The following EYS variants were observed in gnomAD, a reference collection of about 807,000 sequenced individuals.
EYS encodes the protein protein eyes shut homolog.
In EYS, 250 loss-of-function variants were observed where a neutral mutation model predicts 282.1. That is an observed-to-expected ratio of 0.89 (90% CI 0.80 to 0.98). The LOEUF (loss-of-function observed/expected upper bound fraction) is 0.98, where lower values mean the gene tolerates loss of function less well. EYS is among the 50% of genes least tolerant of loss of function. The pLI, the probability that EYS is intolerant of heterozygous loss-of-function variation, is 0.00. For missense variants in EYS, 4,016 were observed against 3,709.0 expected, an observed-to-expected ratio of 1.08 and a Z score of -2.15; for synonymous variants, 1,355 against 1,282.9, an observed-to-expected ratio of 1.06 and a Z score of -1.20.
intron 22 of EYS, among the ~76,000 whole-genome samples, chr6:64,739,984 T>C (rs1772317080): frequency 6.6e-6 from 1 of 152,072 alleles, no homozygotes; most frequent in South Asian, 2.1e-4. Flanking sequence ...TATAAGAAAC[T>C]CTTAGAACTC....
chr6:65,138,211 A>G (rs1362701147), intron 12 of EYS, among the ~76,000 whole-genome samples: 1 of 152,118 alleles, frequency 6.6e-6, no homozygotes. Flanking sequence ...AATAGTTAAT[A>G]TCATTAGTAA....
At chr6:65,548,638 C>G (rs1768480862) in intron 2 of EYS, among the ~76,000 whole-genome samples, 1 of 152,176 alleles carries the variant, frequency 6.6e-6, no homozygotes, top group Non-Finnish European at 1.5e-5. Context: ...CACCTCTTCT[C>G]TATGATTGTA....
At chr6:65,336,142 C>G (rs1468501709) in intron 10 of EYS, among the ~76,000 whole-genome samples, 1 of 151,768 alleles carries the variant, frequency 6.6e-6, no homozygotes, top group African/African-American at 2.4e-5. Flanking sequence ...AATTAAACCT[C>G]TTTTCTTTAT....
intron 19 of EYS, among the ~76,000 whole-genome samples, chr6:64,832,999 C>G (rs1765270462): frequency 6.6e-6 from 1 of 151,850 alleles, no homozygotes; most frequent in Admixed American, 6.6e-5. Flanking sequence ...GAGCTCCAAC[C>G]ATTAGACCCT....
chr6:65,622,631 C>T (rs73451263), intron 2 of EYS, among the ~76,000 whole-genome samples: 9,313 of 152,018 alleles, frequency 0.061, 903 homozygotes, highest in African/African-American at 0.2. Flanking sequence ...GTTTGGATTA[C>T]TGCATTGGAG....
At chr6:63,724,656 C>T (rs114222178) in intron 42 of EYS, among the ~76,000 whole-genome samples, 145 of 151,696 alleles carry the variant, frequency 9.6e-4, no homozygotes, top group African/African-American at 3.3e-3. Context: ...AAATATCTTT[C>T]AAAAATCAGA....
chr6:65,639,532 C>G (rs1219542121), intron 2 of EYS, among the ~76,000 whole-genome samples: 1 of 151,892 alleles, frequency 6.6e-6, no homozygotes, highest in Non-Finnish European at 1.5e-5. Flanking sequence ...ATGTGAAAAC[C>G]CATAGAATTG....
intron 12 of EYS, among the ~76,000 whole-genome samples, chr6:65,221,026 T>G (rs1044702549): frequency 1.3e-5 from 2 of 152,198 alleles, no homozygotes; most frequent in Non-Finnish European, 2.9e-5. Flanking sequence ...AGCAAAGTGT[T>G]CAAGAAGTGA....
chr6:64,353,473 A>C (rs1280214551), intron 29 of EYS, among the ~76,000 whole-genome samples: 1 of 151,638 alleles, frequency 6.6e-6, no homozygotes, highest in Non-Finnish European at 1.5e-5. Flanking sequence ...TCTTCCCATT[A>C]CTTGGTTGAA....
intron 2 of EYS, among the ~76,000 whole-genome samples, chr6:65,566,252 A>C (rs1371740923): frequency 6.6e-6 from 1 of 152,048 alleles, no homozygotes; most frequent in East Asian, 1.9e-4. Flanking sequence ...TGGTAAGGGA[A>C]AATTTCCCCA....
At chr6:64,650,735 A>G (rs1264840963) in intron 22 of EYS, among the ~76,000 whole-genome samples, 2 of 152,076 alleles carry the variant, frequency 1.3e-5, no homozygotes, top group East Asian at 3.8e-4. Flanking sequence ...ATGTAAATTC[A>G]TGTTGTATAA....
chr6:64,401,932 T>C (rs184583314), intron 28 of EYS, among the ~76,000 whole-genome samples: 2 of 152,262 alleles, frequency 1.3e-5, no homozygotes, highest in East Asian at 3.9e-4. Context: ...CAAGTCCCCA[T>C]GTTTCCTGTT....
intron 26 of EYS, among the ~76,000 whole-genome samples, chr6:64,541,403 T>G (rs896439481): frequency 6.6e-6 from 1 of 152,222 alleles, no homozygotes. Flanking sequence ...CTTGAGATTT[T>G]TCTAACTTTA....
chr6:64,941,211 T>A (rs190380236), intron 15 of EYS, among the ~76,000 whole-genome samples: 2 of 152,022 alleles, frequency 1.3e-5, no homozygotes, highest in Non-Finnish European at 2.9e-5. Flanking sequence ...TGAAACTCCA[T>A]CTCTACTACA....
At chr6:65,162,571 T>C (rs1764874901) in intron 12 of EYS, among the ~76,000 whole-genome samples, 1 of 151,226 alleles carries the variant, frequency 6.6e-6, no homozygotes, top group South Asian at 2.1e-4. Flanking sequence ...CATTTTTCAA[T>C]TAACTAATTC....
At chr6:65,081,269 G>A (rs1184470100) in intron 12 of EYS, among the ~76,000 whole-genome samples, 2 of 151,888 alleles carry the variant, frequency 1.3e-5, no homozygotes, top group African/African-American at 4.8e-5. Context: ...AAATCACTAT[G>A]ATTTCTACTT....
intron 26 of EYS, among the ~76,000 whole-genome samples, chr6:64,475,326 C>T (rs1191815855): frequency 5.6e-5 from 4 of 71,348 alleles, no homozygotes; most frequent in Non-Finnish European, 1.0e-4. Flanking sequence ...CCGAGGCGGG[C>T]GGATCACAAG....
Position 64,536,421 on chromosome 6 carries a change from G to A in EYS, c.5644+53802C>T, listed in dbSNP as rs75882879. On this transcript the variant is annotated intron_variant, in intron 26 of 42. Coordinates refer to ENST00000503581, the MANE Select transcript of EYS (RefSeq NM_001142800.2). ...AGTGATGGTAACTTCACAACATTAT[G>A]ACGACAATTACAGGTACTCTCTATT... Among the ~76,000 whole-genome samples, 1,316 of 152,220 alleles carry A rather than the reference G, an allele frequency of 8.6e-3. 12 individuals are homozygous for A. The highest frequency in any genetic ancestry group is 0.013 in the Non-Finnish European group (911 of 68,006).
rs200845029 is a variant in EYS, at chr6:65,281,305, TA to T, written c.2023+14557del. 8.7e-3 allele frequency among the ~76,000 whole-genome samples: 1,324 copies of T among 152,202 alleles called. 20 individuals carry two copies. The highest frequency in any genetic ancestry group is 0.03 in the African/African-American group (1,243 of 41,550). On this transcript the variant is annotated intron_variant, in intron 12 of 42. Transcript: ENST00000503581. ...TAAGTAAAACTAGCAAAATTAAAGATAAATGTTAATATTCAACAGAATATTT... is the reference window on the plus strand; with the variant it reads ...TAAGTAAAACTAGCAAAATTAAAGATAATGTTAATATTCAACAGAATATTT...
Sources: gnomAD v4.1 joint callset for allele counts (sites outside exome capture counted in the v4.1 genomes callset) on GRCh38, gnomAD v4.1.1 for gene constraint, MANE v1.5 for transcripts, NCBI Gene and HGNC (gene_info 2026-07-23, HGNC 2026-07-21) for gene names.